CNTNAP5: variants seen among roughly 807,000 people sequenced by gnomAD.
CNTNAP5 encodes contactin associated protein family member 5.
In CNTNAP5, 72 loss-of-function variants were observed where a neutral mutation model predicts 150.2. The observed-to-expected ratio is 0.48, with a 90% CI of 0.40 to 0.58. CNTNAP5 has a LOEUF of 0.58. Ranked by LOEUF, CNTNAP5 falls within the 20% of genes least tolerant of loss-of-function variation. CNTNAP5 has a pLI of 0.00. For synonymous variants in CNTNAP5, 672 were observed against 619.8 expected, an observed-to-expected ratio of 1.08 and a Z score of -1.25; for missense variants, 1,636 against 1,626.2, an observed-to-expected ratio of 1.01 and a Z score of -0.10.
chr2:124,863,632 C>G (rs769128447), intron 19 of CNTNAP5, among the ~76,000 whole-genome samples: 8 of 152,154 alleles, frequency 5.3e-5, no homozygotes, highest in Non-Finnish European at 1.0e-4. Context: ...TTCTGAAATT[C>G]TATGAGTAGC....
At chr2:124,190,870 TTGTTTATATAAACTAC>T (rs1573822831) in intron 1 of CNTNAP5, among the ~76,000 whole-genome samples, 6 of 152,244 alleles carry the variant, frequency 3.9e-5, no homozygotes, top group Admixed American at 3.3e-4. Context: ...TTCTCAACTT[TTGTTTATATAAACTAC>T]TGACTATGTG....
chr2:124,138,107 G>A (rs1343299152), intron 1 of CNTNAP5, among the ~76,000 whole-genome samples: 1 of 152,092 alleles, frequency 6.6e-6, no homozygotes, highest in East Asian at 1.9e-4. Flanking sequence ...AGGAAGTGTG[G>A]GCAAAAGCCT....
chr2:124,781,396 G>C (rs1231798239), intron 17 of CNTNAP5, among the ~76,000 whole-genome samples: 1 of 152,180 alleles, frequency 6.6e-6, no homozygotes, highest in African/African-American at 2.4e-5. Context: ...CGTTGTGTAA[G>C]TGTTTATTTC....
chr2:124,201,345 C>T (rs1685722057), intron 1 of CNTNAP5, among the ~76,000 whole-genome samples: 1 of 152,228 alleles, frequency 6.6e-6, no homozygotes, highest in Non-Finnish European at 1.5e-5. Context: ...AGTCAGAAGA[C>T]ATTTGATCTT....
chr2:124,644,514 G>A (rs1573518523), intron 12 of CNTNAP5, among the ~76,000 whole-genome samples: 1 of 152,168 alleles, frequency 6.6e-6, no homozygotes, highest in East Asian at 1.9e-4. Flanking sequence ...AATGAATAAG[G>A]AAATCAATAA....
At chr2:124,911,676 C>A in intron 23 of CNTNAP5, 138 bp downstream of exon 23, 1 of 684,936 alleles carries the variant, frequency 1.5e-6, no homozygotes, top group Non-Finnish European at 2.6e-6. Context: ...GTGGGCTTTT[C>A]ATGAGTAGTC....
At chr2:124,603,149 G>A (rs1439222223) in intron 11 of CNTNAP5, among the ~76,000 whole-genome samples, 2 of 151,730 alleles carry the variant, frequency 1.3e-5, no homozygotes, top group Non-Finnish European at 2.9e-5. Context: ...TTGACTGACT[G>A]ATATATCTTT....
At position 124,386,412 on chromosome 2, in the gene CNTNAP5, C is replaced by G. The variant is rs561507213; in HGVS notation, c.382-31031C>G. Among the ~76,000 whole-genome samples, 5 of 152,326 alleles carry G rather than the reference C, an allele frequency of 3.3e-5. No individual in the cohort carries two copies. The South Asian group carries it at 1.0e-3, about 32-fold the overall frequency. ...CTCACCCTTGGCCAGAATCCCCTTT[C>G]CTGTAACATACCTGCAGAGACTTGA... On this transcript the variant is annotated intron_variant, in intron 3 of 23. Transcript: ENST00000682447.
intron 3 of CNTNAP5, among the ~76,000 whole-genome samples, chr2:124,279,635 C>T (rs1687965582): frequency 6.6e-6 from 1 of 152,084 alleles, no homozygotes; most frequent in African/African-American, 2.4e-5. Context: ...CAACCATAAC[C>T]TCTCTGGAAC....
intron 19 of CNTNAP5, among the ~76,000 whole-genome samples, chr2:124,828,566 G>C (rs1682646563): frequency 6.6e-6 from 1 of 151,388 alleles, no homozygotes; most frequent in Non-Finnish European, 1.5e-5. Flanking sequence ...CCATATCGTA[G>C]GTTTTCAAAA....
intron 3 of CNTNAP5, among the ~76,000 whole-genome samples, chr2:124,264,548 T>C (rs781758325): frequency 6.6e-5 from 10 of 152,238 alleles, no homozygotes; most frequent in Middle Eastern, 3.4e-3. Flanking sequence ...TCAAGGTTCC[T>C]GGGAAAACTC....
intron 3 of CNTNAP5, among the ~76,000 whole-genome samples, chr2:124,302,240 T>C (rs1688581597): frequency 6.6e-6 from 1 of 152,268 alleles, no homozygotes; most frequent in Non-Finnish European, 1.5e-5. Flanking sequence ...TTACACAGAC[T>C]ATATACTGTT....
intron 3 of CNTNAP5, among the ~76,000 whole-genome samples, chr2:124,299,244 G>A (rs1039703990): frequency 6.6e-6 from 1 of 152,116 alleles, no homozygotes; most frequent in Non-Finnish European, 1.5e-5. Flanking sequence ...ATTCCTCCCA[G>A]TGCACAGGCT....
chr2:124,210,532 G>T (rs543567299), intron 1 of CNTNAP5, among the ~76,000 whole-genome samples: 130 of 152,088 alleles, frequency 8.5e-4, no homozygotes, highest in Non-Finnish European at 1.1e-3. Context: ...CATTGTTTTA[G>T]TTCAGGCTAC....
At chr2:124,901,425 T>C (rs753963160) in intron 21 of CNTNAP5, among the ~76,000 whole-genome samples, 3 of 147,562 alleles carry the variant, frequency 2.0e-5, no homozygotes, top group Non-Finnish European at 4.4e-5. Context: ...AAGAGAATTA[T>C]AGGTTGAAGT....
chr2:124,536,518 G>C (rs1409145593), intron 10 of CNTNAP5, among the ~76,000 whole-genome samples: 1 of 152,032 alleles, frequency 6.6e-6, no homozygotes, highest in African/African-American at 2.4e-5. Context: ...TTCGGTGATC[G>C]CCGTTTTCTA....
intron 18 of CNTNAP5, among the ~76,000 whole-genome samples, chr2:124,792,600 G>A (rs1681757903): frequency 6.6e-6 from 1 of 152,090 alleles, no homozygotes; most frequent in African/African-American, 2.4e-5. Flanking sequence ...TATTCACACA[G>A]TTGTATAACA....
chr2:124,204,463 C>T (rs1032331924), intron 1 of CNTNAP5, among the ~76,000 whole-genome samples: 2 of 152,218 alleles, frequency 1.3e-5, no homozygotes, highest in African/African-American at 4.8e-5. Context: ...CAGTTGCTTT[C>T]ACATCATTCT....
At chr2:124,464,009 G>T (rs1438456807) in intron 6 of CNTNAP5, among the ~76,000 whole-genome samples, 7 of 152,128 alleles carry the variant, frequency 4.6e-5, no homozygotes, top group African/African-American at 1.7e-4. Context: ...GTGAAGGTCA[G>T]CTCTAAGCAT....
Sources: gnomAD v4.1 joint callset for allele counts (sites outside exome capture counted in the v4.1 genomes callset) on GRCh38, gnomAD v4.1.1 for gene constraint, MANE v1.5 for transcripts, NCBI Gene and HGNC (gene_info 2026-07-23, HGNC 2026-07-21) for gene names.